The following YAP1 variants were observed in gnomAD, a reference collection of about 807,000 sequenced individuals.
YAP1 encodes Yes1 associated transcriptional regulator.
YAP1 carries 5 observed loss-of-function variants against 56.9 expected under a neutral mutation model. That is an observed-to-expected ratio of 0.09 (90% confidence interval 0.05 to 0.18). The LOEUF is 0.18. YAP1 is among the 10% of genes least tolerant of loss of function. YAP1 has a pLI of 1.00. For missense variants in YAP1, 539 were observed against 651.8 expected (o/e 0.83, Z 1.88); for synonymous variants, 265 against 248.1 (o/e 1.07, Z -0.64).
chr11:102,221,505 T>C (rs1430920574), intron 6 of YAP1, among the ~76,000 whole-genome samples: 2 of 152,098 alleles, frequency 1.3e-5, no homozygotes, highest in Non-Finnish European at 2.9e-5. Flanking sequence ...GGGTAGATCA[T>C]CTGAGCCTGG....
At chr11:102,117,021 G>A (rs1306511044) in intron 2 of YAP1, among the ~76,000 whole-genome samples, 1 of 152,138 alleles carries the variant, frequency 6.6e-6, no homozygotes, top group Non-Finnish European at 1.5e-5. Flanking sequence ...TATGAAATAA[G>A]ATTATTTCAC....
rs560352723 is a variant in YAP1 at position 102,207,414 on chromosome 11, A to C, written c.984+1340A>C. On this transcript the variant is annotated intron_variant, in intron 5 of 8. Coordinates refer to ENST00000282441, the MANE Select transcript of YAP1 (RefSeq NM_001130145.3). ...CATTTAAAAATCGTCATACTCGGCC[A>C]GGCATGGTGGCTCATGCCTCTAATC... Among the ~76,000 whole-genome samples, 4 of 152,170 alleles carry C rather than the reference A, an allele frequency of 2.6e-5. No individual in the cohort carries two copies. In the East Asian group the frequency reaches 7.7e-4, roughly 29 times the overall value.
chr11:102,191,591 G>T (rs2135533236), intron 4 of YAP1, among the ~76,000 whole-genome samples: 1 of 152,262 alleles, frequency 6.6e-6, no homozygotes, highest in South Asian at 2.1e-4. Context: ...GAAAAATAGT[G>T]GTTAATGCAC....
intron 4 of YAP1, among the ~76,000 whole-genome samples, chr11:102,196,724 C>A (rs1459229201): frequency 6.7e-6 from 1 of 149,780 alleles, no homozygotes; most frequent in Non-Finnish European, 1.5e-5. Flanking sequence ...CCAGACAGTA[C>A]ATGTAACAAG....
intron 3 of YAP1, among the ~76,000 whole-genome samples, chr11:102,176,564 G>A (rs940209420): frequency 6.6e-6 from 1 of 151,720 alleles, no homozygotes; most frequent in African/African-American, 2.4e-5. Context: ...GGCCAACATG[G>A]TGAAACCTCA....
chr11:102,229,650 C>G, intron 8 of YAP1, 52 bp from the exon 9 acceptor site: 1 of 1,547,626 alleles, frequency 6.5e-7, no homozygotes, highest in Non-Finnish European at 8.9e-7. Context: ...TGATACAGCC[C>G]TGATGTTAGC....
chr11:102,146,345 A>G (rs767768511), intron 2 of YAP1, among the ~76,000 whole-genome samples: 5 of 152,048 alleles, frequency 3.3e-5, no homozygotes, highest in Non-Finnish European at 5.9e-5. Flanking sequence ...TGCATCTGCC[A>G]TCTCTCCTCC....
chr11:102,223,503 T>C, intron 6 of YAP1, 119 bp from the exon 7 acceptor site: 1 of 1,086,310 alleles, frequency 9.2e-7, no homozygotes, highest in Non-Finnish European at 1.3e-6. Context: ...GTATTAACTT[T>C]AAAGTAGATG....
intron 3 of YAP1, among the ~76,000 whole-genome samples, chr11:102,176,442 T>G (rs1014038331): frequency 6.6e-6 from 1 of 152,026 alleles, no homozygotes; most frequent in African/African-American, 2.4e-5. Context: ...CACAAAGATA[T>G]GGCATAAGAA....
chr11:102,172,825 A>G (rs1361112105), intron 3 of YAP1, among the ~76,000 whole-genome samples: 1 of 152,146 alleles, frequency 6.6e-6, no homozygotes, highest in Non-Finnish European at 1.5e-5. Context: ...TTTTGAGCAG[A>G]GATCTGAATG....
chr11:102,177,446 G>A (rs1411956511), intron 3 of YAP1, among the ~76,000 whole-genome samples: 1 of 151,998 alleles, frequency 6.6e-6, no homozygotes, highest in African/African-American at 2.4e-5. Context: ...AAATGTGAAA[G>A]TTTATGTGAA....
chr11:102,223,071 CCGT>C (rs1950021001), intron 6 of YAP1, among the ~76,000 whole-genome samples: 2 of 140,210 alleles, frequency 1.4e-5, no homozygotes, highest in Non-Finnish European at 1.6e-5. Context: ...TGGTGAAACC[CCGT>C]CTCTACTAAA....
intron 2 of YAP1, among the ~76,000 whole-genome samples, chr11:102,155,953 T>C (rs946053401): frequency 1.3e-5 from 2 of 152,176 alleles, no homozygotes; most frequent in Admixed American, 1.3e-4. Flanking sequence ...TCTTCCTTCC[T>C]GGTCCTTGGT....
intron 3 of YAP1, among the ~76,000 whole-genome samples, chr11:102,166,734 T>G (rs1478723919): frequency 6.6e-6 from 1 of 152,214 alleles, no homozygotes; most frequent in African/African-American, 2.4e-5. Context: ...TGCAACTTGA[T>G]TTACATTTTT....
At chr11:102,202,149 T>C (rs1481317867) in intron 4 of YAP1, among the ~76,000 whole-genome samples, 1 of 151,612 alleles carries the variant, frequency 6.6e-6, no homozygotes, top group Non-Finnish European at 1.5e-5. Context: ...GGTAGCAGAG[T>C]ATCAGAATTA....
At chr11:102,183,428 A>T (rs1256044672) in intron 3 of YAP1, among the ~76,000 whole-genome samples, 2 of 152,202 alleles carry the variant, frequency 1.3e-5, no homozygotes. Flanking sequence ...AGATGAATCG[A>T]AAATATTTTA....
chr11:102,147,349 C>T (rs1945384656), intron 2 of YAP1, among the ~76,000 whole-genome samples: 1 of 152,118 alleles, frequency 6.6e-6, no homozygotes, highest in Admixed American at 6.5e-5. Flanking sequence ...TATTCTGATA[C>T]TATGAAGAGA....
intron 6 of YAP1, among the ~76,000 whole-genome samples, chr11:102,213,043 G>A (rs1949487079): frequency 6.6e-6 from 1 of 152,304 alleles, no homozygotes; most frequent in East Asian, 1.9e-4. Context: ...ACACATCAGT[G>A]CTCACTTGTA....
In YAP1 at chr11:102,111,175, C is replaced by T. The variant is rs769978883; in HGVS notation, c.321+6C>T. 1.9e-6 allele frequency: 3 copies of T among 1,611,308 alleles called. No homozygotes were observed. The highest frequency in any genetic ancestry group is 8.5e-7 in the Non-Finnish European group (1 of 1,178,666). On this transcript the variant is annotated splice_donor_region_variant and intron_variant, in intron 1 of 8. Coordinates refer to ENST00000282441, the MANE Select transcript of YAP1 (RefSeq NM_001130145.3). Reference sequence around the variant, plus strand: ...CCAAATCCCACTCCCGACAGGTAACCTCGTTGCCCCTCTCCCCGTTTCCCC... The same window carrying T: ...CCAAATCCCACTCCCGACAGGTAACTTCGTTGCCCCTCTCCCCGTTTCCCC...
Sources: gnomAD v4.1 joint callset for allele counts (sites outside exome capture counted in the v4.1 genomes callset) on GRCh38, gnomAD v4.1.1 for gene constraint, MANE v1.5 for transcripts, NCBI Gene and HGNC (gene_info 2026-07-23, HGNC 2026-07-21) for gene names.